ACTR3C: variants seen among roughly 807,000 people sequenced by gnomAD.
ACTR3C encodes the protein actin related protein 3C.
A neutral mutation model predicts 26.3 loss-of-function variants in ACTR3C; 18 were observed. That is an observed-to-expected ratio of 0.68 (90% CI 0.47 to 1.01). The LOEUF is 1.01. Among genes scored for constraint, ACTR3C ranks in the 50% least tolerant of loss-of-function variants. The pLI, the probability that ACTR3C is intolerant of heterozygous loss-of-function variation, is 0.00. For synonymous variants in ACTR3C, 55 were observed against 94.5 expected, an observed-to-expected ratio of 0.58 and a Z score of 2.42; for missense variants, 184 against 250.7, an observed-to-expected ratio of 0.73 and a Z score of 1.80.
chr7:150,182,817 T>C, the ACTR3C span, among the ~76,000 whole-genome samples: 1 of 151,070 alleles, frequency 6.6e-6, no homozygotes, highest in African/African-American at 2.5e-5. Context: ...AATTTAATTC[T>C]TTGCAATGAT....
the ACTR3C span, among the ~76,000 whole-genome samples, chr7:150,140,431 A>C: frequency 1.3e-5 from 2 of 152,218 alleles, no homozygotes; most frequent in Non-Finnish European, 1.5e-5. Context: ...TACTGTGGGT[A>C]AAATGTTATA....
At chr7:150,303,161 C>T (rs1425698949) in intron 1 of ACTR3C, among the ~76,000 whole-genome samples, 15 of 152,206 alleles carry the variant, frequency 9.9e-5, no homozygotes, top group Non-Finnish European at 1.9e-4. Context: ...AAGTTCAGGC[C>T]AGTAAGACAC....
the ACTR3C span, among the ~76,000 whole-genome samples, chr7:150,100,607 TG>T: frequency 2.6e-5 from 4 of 151,690 alleles, no homozygotes; most frequent in Non-Finnish European, 5.9e-5. Flanking sequence ...TAAACACATA[TG>T]GTATTGTAAA....
the ACTR3C span, among the ~76,000 whole-genome samples, chr7:150,227,688 G>GTGTTT: frequency 3.7e-4 from 41 of 111,352 alleles, no homozygotes; most frequent in East Asian, 1.1e-3. Context: ...TTGTGTCTGG[G>GTGTTT]TTTTTTTTTT....
At chr7:150,097,235 T>C in the ACTR3C span, among the ~76,000 whole-genome samples, 14 of 151,858 alleles carry the variant, frequency 9.2e-5, 1 homozygote, top group African/African-American at 3.4e-4. Context: ...GCTCAGCTTT[T>C]ATCAAATGAC....
chr7:149,913,698 A>G, the ACTR3C span, among the ~76,000 whole-genome samples: 3 of 149,598 alleles, frequency 2.0e-5, no homozygotes, highest in Admixed American at 2.0e-4. Context: ...CTGGCGGTCA[A>G]CCAGCTTAGA....
At chr7:150,165,935 A>G in the ACTR3C span, among the ~76,000 whole-genome samples, 3 of 151,772 alleles carry the variant, frequency 2.0e-5, no homozygotes, top group African/African-American at 7.3e-5. Context: ...GACTTTCCAA[A>G]ATTGACTTCC....
chr7:150,142,135 A>G, the ACTR3C span, among the ~76,000 whole-genome samples: 1 of 152,184 alleles, frequency 6.6e-6, no homozygotes, highest in Non-Finnish European at 1.5e-5. Flanking sequence ...CAGTATATGC[A>G]AAACCCTCGG....
the ACTR3C span, among the ~76,000 whole-genome samples, chr7:150,020,014 A>G: frequency 1.3e-5 from 2 of 152,126 alleles, no homozygotes; most frequent in African/African-American, 4.8e-5. Context: ...TATGGTGTCT[A>G]TGGAGTATTG....
At chr7:150,078,522 T>G in the ACTR3C span, among the ~76,000 whole-genome samples, 1 of 150,342 alleles carries the variant, frequency 6.7e-6, no homozygotes, top group Admixed American at 6.7e-5. Flanking sequence ...AATGTAAAGT[T>G]TATTCTTGTT....
chr7:150,090,597 C>T, the ACTR3C span, among the ~76,000 whole-genome samples: 1 of 151,044 alleles, frequency 6.6e-6, no homozygotes, highest in Non-Finnish European at 1.5e-5. Flanking sequence ...TACAAACCTT[C>T]AAAGGAAAAT....
chr7:150,098,941 CA>C, the ACTR3C span, among the ~76,000 whole-genome samples: 1 of 150,404 alleles, frequency 6.6e-6, no homozygotes, highest in East Asian at 1.9e-4. Context: ...GCCTTTCAAG[CA>C]AAGCCAATCT....
the ACTR3C span, among the ~76,000 whole-genome samples, chr7:149,980,043 C>G: frequency 3.9e-5 from 6 of 152,174 alleles, no homozygotes; most frequent in East Asian, 1.2e-3. Context: ...GAATTGTTCT[C>G]TAAATTCACT....
chr7:149,962,155 A>G, the ACTR3C span, among the ~76,000 whole-genome samples: 1 of 152,158 alleles, frequency 6.6e-6, no homozygotes, highest in East Asian at 1.9e-4. Context: ...GGATGTATAC[A>G]CTTATAGGAA....
At chr7:150,319,791 C>T (rs1326487641) in intron 1 of ACTR3C, among the ~76,000 whole-genome samples, 1 of 152,206 alleles carries the variant, frequency 6.6e-6, no homozygotes, top group Non-Finnish European at 1.5e-5. Context: ...AGCTACTTCC[C>T]ACTTTCTGTC....
the ACTR3C span, among the ~76,000 whole-genome samples, chr7:150,125,775 C>T: frequency 6.6e-6 from 1 of 152,186 alleles, no homozygotes; most frequent in African/African-American, 2.4e-5. Flanking sequence ...TAAAGAGGAA[C>T]ATTGAATTAA....
At chr7:149,961,513 A>G in the ACTR3C span, among the ~76,000 whole-genome samples, 1 of 151,904 alleles carries the variant, frequency 6.6e-6, no homozygotes, top group African/African-American at 2.4e-5. Context: ...AAGGAAGTGC[A>G]CAGATAGGAA....
the ACTR3C span, among the ~76,000 whole-genome samples, chr7:149,991,911 A>C: frequency 4.6e-5 from 7 of 151,308 alleles, no homozygotes; most frequent in African/African-American, 1.7e-4. Flanking sequence ...CTAATCTTAC[A>C]TTGAATGTTT....
chr7:149,937,191 C>T, the ACTR3C span, among the ~76,000 whole-genome samples: 46 of 12,022 alleles, frequency 3.8e-3, no homozygotes, highest in Admixed American at 6.6e-3. Flanking sequence ...GTATTTGTAG[C>T]GCTTTGTGCT....
Sources: allele counts gnomAD v4.1 joint callset (sites outside exome capture counted in the v4.1 genomes callset), GRCh38; gene constraint gnomAD v4.1.1; transcripts MANE v1.5; gene names NCBI Gene and HGNC (gene_info 2026-07-23, HGNC 2026-07-21).